Variants in KIF13A observed in about 807,000 individuals in gnomAD.
The protein encoded by KIF13A is kinesin family member 13A.
Under a neutral mutation model 212.2 loss-of-function variants are expected in KIF13A, and 79 were observed. That is an observed-to-expected ratio of 0.37 (90% CI 0.31 to 0.45). KIF13A has a LOEUF of 0.45. Ranked by LOEUF, KIF13A falls within the 20% of genes least tolerant of loss-of-function variation. KIF13A has a pLI of 1.00. For missense variants in KIF13A, 1,901 were observed against 2,209.0 expected, an observed-to-expected ratio of 0.86 and a Z score of 2.79; for synonymous variants, 789 against 808.6, an observed-to-expected ratio of 0.98 and a Z score of 0.41.
Position 17,821,170 on chromosome 6 carries a change from T to C in KIF13A, c.1787-3937A>G, listed in dbSNP as rs533562687. Among the ~76,000 whole-genome samples, 3 of 152,308 alleles carry C rather than the reference T, an allele frequency of 2.0e-5. No individual in the cohort carries two copies. The South Asian group carries it at 6.2e-4, about 32-fold the overall frequency. On this transcript the variant is annotated intron_variant, in intron 16 of 38. Transcript: ENST00000259711. ...GCCATTGCGCTTGGCAAAGTTGCAC[T>C]TTCTTTAGAGCTGCCATTGACATTG...
Position 17,780,128 on chromosome 6 carries a change from A to T in KIF13A, c.3847-444T>A, listed in dbSNP as rs899965575. Among the ~76,000 whole-genome samples the T allele has an allele frequency of 3.3e-5, 5 of 152,144 alleles. 1 individual carries two copies. In the East Asian group the frequency reaches 5.8e-4, roughly 18 times the overall value. On this transcript the variant is annotated intron_variant, in intron 31 of 38. Coordinates refer to ENST00000259711, the MANE Select transcript of KIF13A (RefSeq NM_022113.6). ...GCAGAATACTCAGCATAACAGAAAA[A>T]ACTGAAGCTAAGAATCCCTGTCTCC...
Position 17,982,816 on chromosome 6 carries a change from CACT to C in KIF13A, c.146+4235_146+4237del, listed in dbSNP as rs1048597559. On this transcript the variant is annotated intron_variant, in intron 2 of 38. Coordinates refer to ENST00000259711, the MANE Select transcript of KIF13A (RefSeq NM_022113.6). The surrounding 1 kb of genome is among the most constrained non-coding windows in gnomAD (Gnocchi z 5.1). ...CAACCACCTATATTTTAAAAACCACCACTACCATTCACACTGAATGTAAAAAAG... is the reference window on the plus strand; with the variant it reads ...CAACCACCTATATTTTAAAAACCACCACCATTCACACTGAATGTAAAAAAG... 1.3e-5 allele frequency among the ~76,000 whole-genome samples: 2 copies of C among 152,130 alleles called. No individual in the cohort carries two copies. Among genetic ancestry groups the C allele is most frequent in the African/African-American group, 2.4e-5 (1 of 41,418 alleles).
At chr6:17,858,845 C>CT (rs918710045) in intron 4 of KIF13A, among the ~76,000 whole-genome samples, 56 of 150,760 alleles carry the variant, frequency 3.7e-4, no homozygotes, top group African/African-American at 1.3e-3. Context: ...CAAGAGTTGG[C>CT]TAAGTCAAGC....
chr6:17,864,357 G>A (rs55767942), intron 4 of KIF13A, among the ~76,000 whole-genome samples: 8,109 of 152,216 alleles, frequency 0.053, 272 homozygotes, highest in Middle Eastern at 0.082. Flanking sequence ...ATGTGAACAA[G>A]TCTTAAAACA....
intron 2 of KIF13A, among the ~76,000 whole-genome samples, chr6:17,909,102 C>A (rs1025719728): frequency 6.6e-6 from 1 of 152,236 alleles, no homozygotes; most frequent in Non-Finnish European, 1.5e-5. Context: ...GATGCCATTG[C>A]TGTTGTTACA....
intron 6 of KIF13A, among the ~76,000 whole-genome samples, chr6:17,854,207 T>C (rs1767928513): frequency 6.6e-6 from 1 of 152,154 alleles, no homozygotes; most frequent in African/African-American, 2.4e-5. Flanking sequence ...GGCATGATCT[T>C]GGCTCACTGC....
chr6:17,784,481 G>A (rs1379827208), intron 28 of KIF13A, among the ~76,000 whole-genome samples: 1 of 152,028 alleles, frequency 6.6e-6, no homozygotes, highest in Non-Finnish European at 1.5e-5. Context: ...CGCCTCAGAG[G>A]CCTCTTAAAG....
At chr6:17,913,257 C>T (rs185808339) in intron 2 of KIF13A, among the ~76,000 whole-genome samples, 86 of 152,160 alleles carry the variant, frequency 5.7e-4, no homozygotes, top group Non-Finnish European at 6.9e-4. Context: ...GTTCCCAGGA[C>T]GGATTCTGAA....
chr6:17,920,591 C>T (rs901277032), intron 2 of KIF13A, among the ~76,000 whole-genome samples: 7 of 152,070 alleles, frequency 4.6e-5, no homozygotes, highest in Admixed American at 3.9e-4. Context: ...AAGTAATATG[C>T]GGCTGGGTGC....
At chr6:17,802,057 G>A (rs760105426) in intron 20 of KIF13A, among the ~76,000 whole-genome samples, 4 of 152,106 alleles carry the variant, frequency 2.6e-5, no homozygotes, top group Non-Finnish European at 5.9e-5. Flanking sequence ...GACTGTGGCT[G>A]TCATTACACA....
chr6:17,920,858 G>A (rs1775005895), intron 2 of KIF13A, among the ~76,000 whole-genome samples: 1 of 139,404 alleles, frequency 7.2e-6, no homozygotes, highest in Non-Finnish European at 1.6e-5. Context: ...TGGGTGATAG[G>A]GCAGGACTAT....
intron 3 of KIF13A, chr6:17,881,517 T>C (rs1771060565): frequency 4.7e-6 from 2 of 429,006 alleles, no homozygotes; most frequent in Non-Finnish European, 9.1e-6. Flanking sequence ...CAACATATGG[T>C]GAAACCCTGT....
At chr6:17,890,987 G>A (rs1561727464) in intron 3 of KIF13A, among the ~76,000 whole-genome samples, 1 of 151,760 alleles carries the variant, frequency 6.6e-6, no homozygotes, top group East Asian at 1.9e-4. Flanking sequence ...ACCTATCTGC[G>A]ATACTTCTCA....
chr6:17,805,369 CCGTGTGTGTG>C, intron 19 of KIF13A, 96 bp downstream of exon 19: 1 of 657,640 alleles, frequency 1.5e-6, no homozygotes, highest in Non-Finnish European at 2.3e-6. Flanking sequence ...GAGCACATCT[CCGTGTGTGTG>C]TGTGTGTGTG....
At chr6:17,935,207 T>G (rs1160363121) in intron 2 of KIF13A, among the ~76,000 whole-genome samples, 7 of 152,188 alleles carry the variant, frequency 4.6e-5, no homozygotes, top group Admixed American at 4.6e-4. Context: ...CTGTCCTGAA[T>G]AAATGTCACA....
In KIF13A at chr6:17,814,946, C is replaced by G. The variant is rs1343111850; in HGVS notation, c.2000+2074G>C. On this transcript the variant is annotated intron_variant, in intron 17 of 38. Transcript: ENST00000259711. ...AGAGATAGAAGAAAAGACAGCTGGG[C>G]CCGGGGGACCACTACCACCTAGACG... is the stretch of plus-strand genomic sequence containing the variant. 2.0e-5 allele frequency among the ~76,000 whole-genome samples: 3 copies of G among 152,276 alleles called. No homozygotes were observed. In the East Asian group the frequency reaches 5.8e-4, roughly 29 times the overall value.
intron 38 of KIF13A, among the ~76,000 whole-genome samples, chr6:17,766,967 G>A (rs1199592259): frequency 6.6e-6 from 1 of 152,090 alleles, no homozygotes; most frequent in Non-Finnish European, 1.5e-5. Flanking sequence ...AATGTGTAAA[G>A]GAATTGGTGA....
chr6:17,873,444 GA>G lies in KIF13A; in HGVS notation c.160-8del. 1.3e-6 allele frequency: 2 copies of G among 1,556,498 alleles called. No homozygotes were observed. Among genetic ancestry groups the G allele is most frequent in the Non-Finnish European group, 1.7e-6 (2 of 1,143,256 alleles). On this transcript the variant is annotated splice_region_variant and splice_polypyrimidine_tract_variant and intron_variant, in intron 3 of 38. Coordinates refer to ENST00000259711, the MANE Select transcript of KIF13A (RefSeq NM_022113.6). ...AATAATCAAAGGCAAATACCTGAAT[GA>G]AAGAACAAAATATTAAACTTAAAGA...
intron 4 of KIF13A, among the ~76,000 whole-genome samples, chr6:17,857,928 T>C (rs925455079): frequency 1.3e-5 from 2 of 152,070 alleles, no homozygotes; most frequent in African/African-American, 4.8e-5. Context: ...GACTGTTTTA[T>C]ATGATGGAAT....
Sources: allele counts gnomAD v4.1 joint callset (sites outside exome capture counted in the v4.1 genomes callset), GRCh38; gene constraint gnomAD v4.1.1; non-coding constraint Gnocchi (gnomAD v3.1); transcripts MANE v1.5; gene names NCBI Gene and HGNC (gene_info 2026-07-23, HGNC 2026-07-21).